Variants in CFAP299 observed in about 807,000 individuals in gnomAD.
CFAP299 encodes the protein cilia and flagella associated protein 299.
In CFAP299, 21 loss-of-function variants were observed where a neutral mutation model predicts 27.0. The ratio of observed to expected loss-of-function variants is 0.78; its 90% confidence interval spans 0.55 to 1.12. CFAP299 has a LOEUF of 1.12. Among genes scored for constraint, CFAP299 ranks in the 50% most tolerant of loss-of-function variants. The pLI, the probability that CFAP299 is intolerant of heterozygous loss-of-function variation, is 0.00. For missense variants in CFAP299, 310 were observed against 276.6 expected, an observed-to-expected ratio of 1.12 and a Z score of -0.86; for synonymous variants, 104 against 98.1, an observed-to-expected ratio of 1.06 and a Z score of -0.36.
chr4:80,930,779 C>G (rs549910906), intron 4 of CFAP299, among the ~76,000 whole-genome samples: 3 of 152,154 alleles, frequency 2.0e-5, no homozygotes, highest in Non-Finnish European at 4.4e-5. Context: ...AGTTTCTCAA[C>G]AGCAGGCAAT....
At chr4:80,629,877 A>C (rs896766449) in intron 3 of CFAP299, among the ~76,000 whole-genome samples, 110 of 78,844 alleles carry the variant, frequency 1.4e-3, no homozygotes, top group African/African-American at 2.9e-3. Flanking sequence ...TCTGGAAAAA[A>C]AAAAAAACAA....
chr4:80,422,004 T>G (rs1398310251), intron 2 of CFAP299, among the ~76,000 whole-genome samples: 1 of 152,212 alleles, frequency 6.6e-6, no homozygotes, highest in Non-Finnish European at 1.5e-5. Context: ...GTAGTTTTGT[T>G]TTTTATTTTC....
chr4:80,432,225 C>T (rs1727850710), intron 2 of CFAP299, among the ~76,000 whole-genome samples: 1 of 152,022 alleles, frequency 6.6e-6, no homozygotes, highest in Admixed American at 6.6e-5. Context: ...CATCTCAGCT[C>T]ACTGCAACCT....
At chr4:80,608,521 G>A (rs1361117031) in intron 3 of CFAP299, 3 of 531,258 alleles carry the variant, frequency 5.6e-6, no homozygotes, top group Non-Finnish European at 1.0e-5. Flanking sequence ...ACAGTCACAA[G>A]TAGTGCTTTT....
chr4:80,750,764 T>C (rs558594213), intron 3 of CFAP299, among the ~76,000 whole-genome samples: 1 of 152,340 alleles, frequency 6.6e-6, no homozygotes, highest in African/African-American at 2.4e-5. Context: ...ACTTAAATTA[T>C]TCTTCAAGAA....
At chr4:80,390,855 A>G (rs975414583) in intron 2 of CFAP299, among the ~76,000 whole-genome samples, 7 of 138,090 alleles carry the variant, frequency 5.1e-5, no homozygotes, top group African/African-American at 1.8e-4. Context: ...ACATATATGT[A>G]TATGTATATG....
chr4:80,408,827 C>A (rs1301783319), intron 2 of CFAP299, among the ~76,000 whole-genome samples: 5 of 20,158 alleles, frequency 2.5e-4, no homozygotes, highest in Admixed American at 1.2e-3. Flanking sequence ...AAAAACATAA[C>A]TTTTGCTGGT....
At chr4:80,577,326 G>A (rs1049025330) in intron 2 of CFAP299, among the ~76,000 whole-genome samples, 1 of 150,156 alleles carries the variant, frequency 6.7e-6, no homozygotes, top group Non-Finnish European at 1.5e-5. Flanking sequence ...TAGCTAAAAA[G>A]TATTGCTGTT....
intron 3 of CFAP299, among the ~76,000 whole-genome samples, chr4:80,660,727 T>A (rs975919397): frequency 3.9e-5 from 6 of 152,112 alleles, no homozygotes; most frequent in Non-Finnish European, 8.8e-5. Flanking sequence ...GCTTCAGAAA[T>A]TAAAATGACT....
At chr4:80,380,593 A>G (rs145802146) in intron 2 of CFAP299, among the ~76,000 whole-genome samples, 2,385 of 151,918 alleles carry the variant, frequency 0.016, 52 homozygotes, top group Admixed American at 0.067. Flanking sequence ...ACACCTGGCT[A>G]ATTTTTTGTA....
intron 2 of CFAP299, among the ~76,000 whole-genome samples, chr4:80,414,073 T>TTCTTTTTC (rs34039313): frequency 7.9e-6 from 1 of 125,838 alleles, no homozygotes; most frequent in Non-Finnish European, 1.6e-5. Flanking sequence ...TCTTTTTTTT[T>TTCTTTTTC]TTTTTTTTTT....
At chr4:80,719,544 T>A (rs142145481) in intron 3 of CFAP299, among the ~76,000 whole-genome samples, 1,892 of 152,360 alleles carry the variant, frequency 0.012, 18 homozygotes, top group Non-Finnish European at 0.02. Flanking sequence ...AATTCTGATA[T>A]GTTGTGTTTT....
At chr4:80,794,154 A>G (rs1056942251) in intron 3 of CFAP299, among the ~76,000 whole-genome samples, 4 of 152,190 alleles carry the variant, frequency 2.6e-5, no homozygotes, top group African/African-American at 9.6e-5. Flanking sequence ...ACCCCAGCCA[A>G]CACTGTAACT....
rs140201465 is a variant in CFAP299 at position 80,958,255 on chromosome 4, C to T, written c.607-5262C>T. ...GTACAGAAGGTCTTTGTAAATACTA[C>T]CTCCATAAGTCAAGTCGAACTTAAT... is the stretch of plus-strand genomic sequence containing the variant. On this transcript the variant is annotated intron_variant, in intron 5 of 5. Transcript: ENST00000358105. 2.5e-3 allele frequency among the ~76,000 whole-genome samples: 383 copies of T among 152,230 alleles called. 1 individual carries two copies. Among genetic ancestry groups the T allele is most frequent in the African/African-American group, 7.5e-3 (311 of 41,552 alleles).
intron 3 of CFAP299, among the ~76,000 whole-genome samples, chr4:80,732,807 C>G (rs954553262): frequency 3.3e-5 from 5 of 151,966 alleles, no homozygotes; most frequent in Admixed American, 3.3e-4. Context: ...GGATCTTCAA[C>G]GATGATATTT....
chr4:80,729,785 A>T (rs1194012466), intron 3 of CFAP299, among the ~76,000 whole-genome samples: 1 of 151,158 alleles, frequency 6.6e-6, no homozygotes, highest in Non-Finnish European at 1.5e-5. Flanking sequence ...TGTATTTTTC[A>T]GTAGAGACGG....
intron 3 of CFAP299, among the ~76,000 whole-genome samples, chr4:80,584,423 A>C (rs1490653846): frequency 6.6e-6 from 1 of 152,054 alleles, no homozygotes; most frequent in Non-Finnish European, 1.5e-5. Flanking sequence ...GTTAGAGGTC[A>C]AGATGTGGTA....
chr4:80,574,931 G>T (rs1735774670), intron 2 of CFAP299, among the ~76,000 whole-genome samples: 1 of 151,356 alleles, frequency 6.6e-6, no homozygotes, highest in South Asian at 2.1e-4. Flanking sequence ...TTTTTTTGAT[G>T]TATCTTTGTA....
chr4:80,536,507 T>G (rs1259106211), intron 2 of CFAP299, among the ~76,000 whole-genome samples: 1 of 151,912 alleles, frequency 6.6e-6, no homozygotes, highest in African/African-American at 2.4e-5. Context: ...GATGCTACCA[T>G]AAAAACAGAT....
Sources: gnomAD v4.1 joint callset for allele counts (sites outside exome capture counted in the v4.1 genomes callset) on GRCh38, gnomAD v4.1.1 for gene constraint, MANE v1.5 for transcripts, NCBI Gene and HGNC (gene_info 2026-07-23, HGNC 2026-07-21) for gene names.